The following GPC5 variants were observed in gnomAD, a reference collection of about 807,000 sequenced individuals.
The protein encoded by GPC5 is glypican-5.
A neutral mutation model predicts 53.9 loss-of-function variants in GPC5; 47 were observed. The observed-to-expected ratio is 0.87, with a 90% CI of 0.69 to 1.11. The LOEUF (loss-of-function observed/expected upper bound fraction) is 1.11. GPC5 is among the 50% of genes most tolerant of loss of function. GPC5 has a pLI of 0.00. For synonymous variants in GPC5, 286 were observed against 263.3 expected (o/e 1.09, Z -0.84); for missense variants, 748 against 713.1 (o/e 1.05, Z -0.56).
At chr13:91,927,727 A>G (rs2039782517) in intron 6 of GPC5, among the ~76,000 whole-genome samples, 1 of 152,208 alleles carries the variant, frequency 6.6e-6, no homozygotes, top group South Asian at 2.1e-4. Context: ...CCACATACTT[A>G]GAAATTGTTC....
At chr13:92,334,749 AG>A (rs2043310816) in intron 7 of GPC5, among the ~76,000 whole-genome samples, 1 of 152,180 alleles carries the variant, frequency 6.6e-6, no homozygotes, top group Admixed American at 6.5e-5. Flanking sequence ...AAGGAGCCAC[AG>A]GCCCAGTGCA....
At chr13:92,513,360 A>G (rs1297066733) in intron 7 of GPC5, among the ~76,000 whole-genome samples, 1 of 152,188 alleles carries the variant, frequency 6.6e-6, no homozygotes, top group African/African-American at 2.4e-5. Context: ...ATGAACATTG[A>G]AAGTATTATG....
intron 7 of GPC5, among the ~76,000 whole-genome samples, chr13:92,145,406 C>G (rs559546809): frequency 2.1e-4 from 32 of 151,700 alleles, no homozygotes; most frequent in African/African-American, 7.3e-4. Flanking sequence ...CTATCATAGT[C>G]AAATTGCATA....
chr13:91,706,690 G>A (rs936890949), intron 3 of GPC5, among the ~76,000 whole-genome samples: 1 of 151,992 alleles, frequency 6.6e-6, no homozygotes, highest in Non-Finnish European at 1.5e-5. Flanking sequence ...CCCAAGTAGG[G>A]GAGAAATCAT....
At chr13:92,316,253 G>C (rs1030789401) in intron 7 of GPC5, among the ~76,000 whole-genome samples, 1 of 152,036 alleles carries the variant, frequency 6.6e-6, no homozygotes, top group South Asian at 2.1e-4. Flanking sequence ...TTTCTATCCA[G>C]TAAATGGTTG....
At chr13:92,839,902 A>C (rs1256981288) in intron 7 of GPC5, among the ~76,000 whole-genome samples, 2 of 151,596 alleles carry the variant, frequency 1.3e-5, no homozygotes, top group African/African-American at 4.8e-5. Context: ...CGTTCGTGGG[A>C]ACTCCACTCA....
chr13:92,161,676 G>A (rs936105062), intron 7 of GPC5, among the ~76,000 whole-genome samples: 1 of 151,836 alleles, frequency 6.6e-6, no homozygotes, highest in Admixed American at 6.6e-5. Flanking sequence ...TTTTGCATTA[G>A]TTTAATGTGT....
At chr13:91,622,806 T>G (rs547349089) in intron 2 of GPC5, among the ~76,000 whole-genome samples, 5 of 152,236 alleles carry the variant, frequency 3.3e-5, no homozygotes, top group African/African-American at 1.2e-4. Flanking sequence ...GAGAGAAAAG[T>G]CCACTACTAC....
chr13:91,714,967 A>G (rs548332), intron 3 of GPC5, among the ~76,000 whole-genome samples: 5,724 of 152,326 alleles, frequency 0.038, 144 homozygotes, highest in Middle Eastern at 0.12. Context: ...GAGCTCCTCC[A>G]TAGGCAATGT....
intron 6 of GPC5, among the ~76,000 whole-genome samples, chr13:91,978,063 G>A (rs1311689400): frequency 2.0e-5 from 3 of 152,140 alleles, no homozygotes; most frequent in African/African-American, 7.2e-5. Flanking sequence ...TGAGGTGAGA[G>A]GATATAGCTT....
At chr13:91,485,771 C>T (rs1883572953) in intron 2 of GPC5, 1 of 152,116 alleles carries the variant, frequency 6.6e-6, no homozygotes, top group Non-Finnish European at 1.5e-5. Flanking sequence ...TCAGCATTTT[C>T]AAAATGGAGA....
intron 6 of GPC5, among the ~76,000 whole-genome samples, chr13:92,057,496 A>G (rs1594746899): frequency 6.6e-6 from 1 of 151,794 alleles, no homozygotes; most frequent in African/African-American, 2.4e-5. Flanking sequence ...ATAAGCAAAT[A>G]CTCTTTCTCT....
At chr13:92,482,741 G>C (rs1195553022) in intron 7 of GPC5, among the ~76,000 whole-genome samples, 1 of 152,010 alleles carries the variant, frequency 6.6e-6, no homozygotes, top group Non-Finnish European at 1.5e-5. Flanking sequence ...CTGTTGAGTG[G>C]GTGAATAATC....
At chr13:92,676,614 C>T (rs1005687442) in intron 7 of GPC5, among the ~76,000 whole-genome samples, 1 of 152,028 alleles carries the variant, frequency 6.6e-6, no homozygotes, top group East Asian at 1.9e-4. Flanking sequence ...GATAATAATG[C>T]TAAGGGTGTG....
chr13:91,974,068 GC>G (rs1224814878), intron 6 of GPC5, among the ~76,000 whole-genome samples: 1 of 152,118 alleles, frequency 6.6e-6, no homozygotes, highest in Non-Finnish European at 1.5e-5. Flanking sequence ...GTTTGTCTTT[GC>G]CCTCCCCCAG....
intron 7 of GPC5, among the ~76,000 whole-genome samples, chr13:92,233,324 G>A (rs1457485328): frequency 6.6e-6 from 1 of 152,154 alleles, no homozygotes; most frequent in Non-Finnish European, 1.5e-5. Context: ...GCAGTTTTCA[G>A]CATTTCACAC....
rs4142552 is a variant in GPC5 at position 92,208,796 on chromosome 13, A to C, written c.1561+63807A>C. ...CTTTTTCAATAACTTCAGATAAAGG[A>C]TAACAAGCATATATAAGACTAAAAA... On this transcript the variant is annotated intron_variant, in intron 7 of 7. Transcript: ENST00000377067. Among the ~76,000 whole-genome samples the C allele has an allele frequency of 3.9e-3, 591 of 152,358 alleles. 7 individuals carry two copies. In the East Asian group the frequency reaches 0.047, roughly 12 times the overall value.
At chr13:92,142,735 G>A (rs1179145043) in intron 6 of GPC5, among the ~76,000 whole-genome samples, 1 of 152,126 alleles carries the variant, frequency 6.6e-6, no homozygotes, top group East Asian at 1.9e-4. Context: ...GTTAATGAGA[G>A]TCCATCTGTG....
intron 5 of GPC5, among the ~76,000 whole-genome samples, chr13:91,807,039 T>C (rs1434457898): frequency 6.6e-6 from 1 of 152,142 alleles, no homozygotes; most frequent in African/African-American, 2.4e-5. Flanking sequence ...GATCAATATT[T>C]CTCTAAGCCT....
Sources: gnomAD v4.1 joint callset for allele counts (sites outside exome capture counted in the v4.1 genomes callset) on GRCh38, gnomAD v4.1.1 for gene constraint, MANE v1.5 for transcripts, NCBI Gene and HGNC (gene_info 2026-07-23, HGNC 2026-07-21) for gene names.